XPC: variants seen among roughly 807,000 people sequenced by gnomAD.
XPC encodes DNA repair protein complementing XP-C cells.
A neutral mutation model predicts 95.8 loss-of-function variants in XPC; 76 were observed. The observed-to-expected ratio is 0.79, with a 90% CI of 0.66 to 0.96. The LOEUF is 0.96. XPC is among the 40% of genes least tolerant of loss of function. XPC has a pLI of 0.00. For synonymous variants in XPC, 442 were observed against 442.1 expected (o/e 1.00, Z 0.00); for missense variants, 1,146 against 1,179.8 (o/e 0.97, Z 0.42).
At chr3:14,148,779 G>A (rs370427616) in intron 12 of XPC, 35 bp downstream of exon 12, 41 of 1,613,434 alleles carry the variant, frequency 2.5e-5, no homozygotes, top group Middle Eastern at 1.6e-4. Flanking sequence ...GGAACAAGGC[G>A]GCCTGGTCCT....
Position 14,152,147 on chromosome 3 carries a change from T to A in XPC, c.2115+188A>T, listed in dbSNP as rs1210277454. The A allele has an allele frequency of 5.5e-6, 3 of 547,886 alleles. No individual in the cohort carries two copies. The African/African-American group carries it at 5.9e-5, about 11-fold the overall frequency. 33.9% of individuals were successfully genotyped at this position (547,886 alleles called of 1,614,324 possible). ...GGAAGATCCATTTCTTACAAATGTC[T>A]TATTAATAAGACAATTTAAATGTTT... On this transcript the variant is annotated intron_variant, in intron 11 of 15. Transcript: ENST00000285021.
intron 5 of XPC, 114 bp from the exon 6 acceptor site, chr3:14,165,699 T>C (rs1696351860): frequency 3.1e-6 from 4 of 1,296,582 alleles, no homozygotes; most frequent in Non-Finnish European, 4.3e-6. Context: ...TTGCCATTTC[T>C]ACATATAAGA....
At chr3:14,152,571 G>T in intron 10 of XPC, 155 bp from the exon 11 acceptor site, 1 of 626,232 alleles carries the variant, frequency 1.6e-6, no homozygotes, top group Non-Finnish European at 2.7e-6. Context: ...AGCTGTGCTA[G>T]GCAAACAGCC....
At chr3:14,152,588 G>A (rs1282820268) in intron 10 of XPC, 172 bp from the exon 11 acceptor site, 9 of 563,896 alleles carry the variant, frequency 1.6e-5, no homozygotes, top group East Asian at 1.3e-4. Context: ...AGCCTTGAAC[G>A]TGGACTGCCT....
chr3:14,151,166 T>C (rs1394177294), intron 11 of XPC, among the ~76,000 whole-genome samples: 1 of 152,174 alleles, frequency 6.6e-6, no homozygotes, highest in African/African-American at 2.4e-5. Context: ...GTGTGGCCAC[T>C]GCACACCTGA....
rs755653533 is a variant in XPC, at chr3:14,158,916, CTTT to C, written c.991-27_991-25del. On this transcript the variant is annotated intron_variant, in intron 8 of 15. Coordinates refer to ENST00000285021, the MANE Select transcript of XPC (RefSeq NM_004628.5). The surrounding 1 kb of genome is among the most constrained non-coding windows in gnomAD (Gnocchi z 5.2). ...CCCTTAAACAGAATAAGAAATTTTGCTTTTTTTTCTCCCCCCTCTTTTGCTAAT... is the reference window on the plus strand; with the variant it reads ...CCCTTAAACAGAATAAGAAATTTTGCTTTTTCTCCCCCCTCTTTTGCTAAT... 1.9e-6 allele frequency: 3 copies of C among 1,612,694 alleles called. No homozygotes were observed. The highest frequency in any genetic ancestry group is 3.3e-5 in the Admixed American group (2 of 59,936).
rs563717905 is a variant in XPC, at chr3:14,165,478, T to C, written c.729A>G (p.Arg243=). The C allele has an allele frequency of 6.2e-7, 1 of 1,605,898 alleles. No individual in the cohort carries two copies. The highest frequency in any genetic ancestry group is 8.5e-7 in the Non-Finnish European group (1 of 1,176,082). The change falls in exon 6 of 16, where the codon AGA becomes AGG. Residue 243 remains arginine, a synonymous_variant. Coordinates refer to ENST00000285021, the MANE Select transcript of XPC (RefSeq NM_004628.5). The part of the protein sequence containing the change: ...GLSIIPARFT[R]VLPRDVDTYY... ...AGGTGTCCACATCTCGAGGCAGCAC[T>C]CTGGTAAAGCGGGCTGGGATGATGG... is the stretch of plus-strand genomic sequence containing the variant.
chr3:14,166,373 G>A (rs571023851), intron 5 of XPC, among the ~76,000 whole-genome samples: 162 of 152,058 alleles, frequency 1.1e-3, no homozygotes, highest in Non-Finnish European at 1.8e-3. Flanking sequence ...TGAGGGAGGC[G>A]ACCCCTCTCT....
At chr3:14,176,582 TA>T (rs1353331971) in intron 1 of XPC, among the ~76,000 whole-genome samples, 1 of 152,246 alleles carries the variant, frequency 6.6e-6, no homozygotes, top group Admixed American at 6.5e-5. Flanking sequence ...TTTGAATGAG[TA>T]AATGAGTGAA....
At chr3:14,164,712 G>T in intron 7 of XPC, 101 bp downstream of exon 7, 1 of 1,227,986 alleles carries the variant, frequency 8.1e-7, no homozygotes, top group Non-Finnish European at 1.2e-6. Context: ...ACTGAATAAG[G>T]TAGTGTCGGT....
Position 14,162,796 on chromosome 3 carries a change from G to A in XPC, c.900+2017C>T, listed in dbSNP as rs1391626283. 5.3e-4 allele frequency among the ~76,000 whole-genome samples: 80 copies of A among 152,230 alleles called. 1 individual carries two copies. The highest frequency in any genetic ancestry group is 1.0e-4 in the Non-Finnish European group (7 of 68,002). On this transcript the variant is annotated intron_variant, in intron 7 of 15. Coordinates refer to ENST00000285021, the MANE Select transcript of XPC (RefSeq NM_004628.5). ...CTTTGTCAAAATTCAAAACTTTTGG[G>A]TATCAAAGGACTTCATCAAGAAAGT...
intron 2 of XPC, among the ~76,000 whole-genome samples, chr3:14,171,390 A>G (rs981780942): frequency 6.6e-5 from 10 of 152,212 alleles, no homozygotes; most frequent in Non-Finnish European, 1.0e-4. Context: ...TGAACATAGC[A>G]GAAATGACCA....
Position 14,158,202 on chromosome 3 carries a change from A to C in XPC, c.1681T>G (p.Tyr561Asp), listed in dbSNP as rs749795176. 11 of 1,613,928 alleles carry C rather than the reference A, an allele frequency of 6.8e-6. No homozygotes were observed. The South Asian group carries it at 1.2e-4, about 18-fold the overall frequency. Residue 561 changes from tyrosine to aspartate, a missense_variant, in exon 9 of 16, where the codon TAC (tyrosine) becomes GAC (aspartate). Transcript: ENST00000285021. This position sits in a 1 kb window ranked among gnomAD's most constrained non-coding sequence, Gnocchi z 5.2. ...ACATAGGTCATGGGCTTGGTGGCGT[A>C]CTTGTAACAGGTCAGAGGCTGGCCC... ...VVGQPLTCYKYATKPMTYVVG... is the reference protein window; with the variant it reads ...VVGQPLTCYKDATKPMTYVVG...
intron 14 of XPC, 52 bp from the exon 15 acceptor site, chr3:14,147,431 GA>G: frequency 6.6e-7 from 1 of 1,512,602 alleles, no homozygotes; most frequent in African/African-American, 1.4e-5. Context: ...ACATTTTCAG[GA>G]AAAATATTAA....
chr3:14,157,980 G>A, intron 9 of XPC, 31 bp downstream of exon 9: 12 of 1,571,846 alleles, frequency 7.6e-6, no homozygotes, highest in Non-Finnish European at 1.0e-5. Context: ...ACCTGACTGT[G>A]TCTTGGAGCC....
chr3:14,173,717 T>C (rs1198450744), intron 1 of XPC, among the ~76,000 whole-genome samples: 1 of 152,170 alleles, frequency 6.6e-6, no homozygotes, highest in African/African-American at 2.4e-5. Flanking sequence ...TTAGTCAAAT[T>C]GGGGTATCTA....
chr3:14,164,838 G>A lies in XPC; in HGVS notation c.875C>T (p.Ala292Val), dbSNP rs767551092. 1 of 1,613,494 alleles carries A rather than the reference G, an allele frequency of 6.2e-7. No individual in the cohort carries two copies. Among genetic ancestry groups the A allele is most frequent in the East Asian group, 2.2e-5 (1 of 44,846 alleles). ...ATGGACCAATTCCTCATCATCTCGA[G>A]CAGAGTAAATAGCAAATCTCCTTTC... is the stretch of plus-strand genomic sequence containing the variant. ...TLERRFAIYS[A>V]RDDEELVHIF... The change falls in exon 7 of 16, where the codon GCT becomes GTT. Residue 292 changes from alanine to valine, a missense_variant. Coordinates refer to ENST00000285021, the MANE Select transcript of XPC (RefSeq NM_004628.5).
At chr3:14,161,629 T>TA (rs199661800) in intron 7 of XPC, among the ~76,000 whole-genome samples, 321 of 122,872 alleles carry the variant, frequency 2.6e-3, no homozygotes, top group South Asian at 4.5e-3. Context: ...CTTTCATGAT[T>TA]AAAAAAAAAA....
At chr3:14,152,710 G>A (rs1695744085) in intron 10 of XPC, 2 of 324,630 alleles carry the variant, frequency 6.2e-6, no homozygotes, top group Non-Finnish European at 5.7e-6. Context: ...CAGAGCCTGT[G>A]AGAGCTCCAG....
Sources: allele counts gnomAD v4.1 joint callset (sites outside exome capture counted in the v4.1 genomes callset), GRCh38; gene constraint gnomAD v4.1.1; non-coding constraint Gnocchi (gnomAD v3.1); transcripts MANE v1.5; gene names NCBI Gene and HGNC (gene_info 2026-07-23, HGNC 2026-07-21).